Variants in EML1 observed in about 807,000 individuals in gnomAD.
The protein encoded by EML1 is echinoderm microtubule-associated protein-like 1.
Under a neutral mutation model 110.4 loss-of-function variants are expected in EML1, and 27 were observed. That is an observed-to-expected ratio of 0.24 (90% CI 0.18 to 0.34). The LOEUF is 0.34. EML1 is among the 10% of genes least tolerant of loss of function. The pLI is 1.00. For synonymous variants in EML1, 344 were observed against 385.8 expected (o/e 0.89, Z 1.27); for missense variants, 741 against 1,030.9 (o/e 0.72, Z 3.85).
chr14:99,878,720 G>A, intron 4 of EML1, 101 bp downstream of exon 4: 4 of 1,479,562 alleles, frequency 2.7e-6, no homozygotes, highest in Non-Finnish European at 3.6e-6. Flanking sequence ...AACAAGCTGG[G>A]AGTACTCTTG....
intron 1 of EML1, among the ~76,000 whole-genome samples, chr14:99,845,299 C>T (rs2058690408): frequency 6.6e-6 from 1 of 152,158 alleles, no homozygotes; most frequent in Non-Finnish European, 1.5e-5. Context: ...CTGCTTGTTA[C>T]CTGAATAACC....
intron 1 of EML1, among the ~76,000 whole-genome samples, chr14:99,780,776 C>T (rs181919809): frequency 4.6e-5 from 7 of 152,220 alleles, no homozygotes; most frequent in East Asian, 1.9e-4. Flanking sequence ...TAGTTGCCTA[C>T]GATATTCAGT....
At position 99,909,368 on chromosome 14, in the gene EML1, T is replaced by G. The variant is rs1403154836; in HGVS notation, c.1128T>G (p.Ala376=). The G allele has an allele frequency of 5.0e-6, 8 of 1,614,102 alleles. No homozygotes were observed. The African/African-American group carries it at 9.3e-5, about 19-fold the overall frequency. The stretch of plus-strand genomic sequence containing the variant: ...AGTGCTCTAATGAAGCTGTGTTTGC[T>G]GCGGATTTCCACCCCACGGACACCA... ...DVKCSNEAVF[A]ADFHPTDTNI... The change falls in exon 11 of 22, where the codon GCT becomes GCG. Residue 376 remains alanine, a synonymous_variant. Coordinates refer to ENST00000262233, the MANE Select transcript of EML1 (RefSeq NM_004434.3).
chr14:99,794,313 T>C (rs1353179638), intron 1 of EML1, among the ~76,000 whole-genome samples: 3 of 151,904 alleles, frequency 2.0e-5, no homozygotes, highest in Admixed American at 6.6e-5. Context: ...TGATGTGTGA[T>C]AATTCACGCA....
Position 99,914,626 on chromosome 14 carries a change from T to A in EML1, c.1681T>A (p.Cys561Ser), listed in dbSNP as rs751754763. ...IHASKSQFLTCGHDKHATLWD... is the reference protein window; with the variant it reads ...IHASKSQFLTSGHDKHATLWD... ...TGCCTCAAAATCTCAGTTCTTGACC[T>A]GTGGGCATGACAAGCATGCCACTCT... The change falls in exon 15 of 22, where the codon TGT becomes AGT. Residue 561 changes from cysteine (C) to serine (S), a missense_variant. This residue lies in a region of EML1 where 388 missense variants were observed against 605.6 expected (regional missense o/e 0.64). Coordinates refer to ENST00000262233, the MANE Select transcript of EML1 (RefSeq NM_004434.3). 4.5e-5 allele frequency: 73 copies of A among 1,612,604 alleles called. No individual in the cohort carries two copies. The highest frequency in any genetic ancestry group is 6.1e-5 in the Non-Finnish European group (72 of 1,179,812).
intron 2 of EML1, among the ~76,000 whole-genome samples, chr14:99,855,248 G>GT (rs1470897617): frequency 6.6e-6 from 1 of 152,164 alleles, no homozygotes; most frequent in Non-Finnish European, 1.5e-5. Context: ...TAATTCACGG[G>GT]TTTTTTCCTG....
chr14:99,877,692 C>T (rs1233077873), intron 3 of EML1, among the ~76,000 whole-genome samples: 2 of 152,156 alleles, frequency 1.3e-5, no homozygotes, highest in Non-Finnish European at 2.9e-5. Flanking sequence ...TCGTGACGTC[C>T]TGTTAGCATT....
intron 1 of EML1, among the ~76,000 whole-genome samples, chr14:99,795,589 TAAGTG>T (rs1429108480): frequency 6.6e-6 from 1 of 152,214 alleles, no homozygotes; most frequent in Non-Finnish European, 1.5e-5. Context: ...AGGCTTTCAT[TAAGTG>T]AAGATATAAA....
intron 17 of EML1, among the ~76,000 whole-genome samples, chr14:99,932,402 C>T (rs1467065893): frequency 6.6e-6 from 1 of 151,976 alleles, no homozygotes; most frequent in Non-Finnish European, 1.5e-5. Context: ...CTTTGGGAGG[C>T]CGAGGCAAGT....
chr14:99,765,543 C>T (rs1043452266), intron 1 of EML1, among the ~76,000 whole-genome samples: 11 of 152,050 alleles, frequency 7.2e-5, no homozygotes, highest in Admixed American at 3.3e-4. Context: ...CGTGTTGTAA[C>T]GTGTCAAAAT....
At chr14:99,848,945 G>A (rs1951572) in intron 1 of EML1, among the ~76,000 whole-genome samples, 104,416 of 151,162 alleles carry the variant, frequency 0.69, 36,159 homozygotes, top group African/African-American at 0.71. Context: ...CCTGGGCAAC[G>A]GAGTAAGACC....
At chr14:99,788,482 G>A (rs1476165688), upstream of EML1, among the ~76,000 whole-genome samples, 1 of 152,182 alleles carries the variant, frequency 6.6e-6, no homozygotes, top group Non-Finnish European at 1.5e-5. Flanking sequence ...GGTGGTGTGT[G>A]TCTGTAGTTT....
At chr14:99,878,777 C>A (rs1437575817) in intron 4 of EML1, among the ~76,000 whole-genome samples, 158 bp downstream of exon 4, 2 of 152,062 alleles carry the variant, frequency 1.3e-5, no homozygotes, top group Non-Finnish European at 2.9e-5. Context: ...AATCAAACAG[C>A]CATTTGAGGG....
In EML1 at chr14:99,914,600, A is replaced by G. The variant is rs1566935368; in HGVS notation, c.1655A>G (p.His552Arg). 1.9e-6 allele frequency: 3 copies of G among 1,609,922 alleles called. No individual in the cohort carries two copies. Among genetic ancestry groups the G allele is most frequent in the South Asian group, 1.1e-5 (1 of 90,018 alleles). Residue 552 changes from histidine (H) to arginine (R), a missense_variant, in exon 15 of 22, where the codon CAT becomes CGT. His to Arg is a conservative substitution (Grantham distance 29). Transcript: ENST00000262233. ...HTDELWGLAI[H>R]ASKSQFLTCG... ...GATGAGCTCTGGGGACTGGCCATCC[A>G]TGCCTCAAAATCTCAGTTCTTGACC... is the stretch of plus-strand genomic sequence containing the variant.
chr14:99,793,401 CG>C, upstream of EML1: 12 of 1,003,758 alleles, frequency 1.2e-5, no homozygotes, highest in Non-Finnish European at 1.3e-5. Flanking sequence ...CGGTCGCGGT[CG>C]GGCTCAGCTC....
chr14:99,770,120 C>T (rs1437670189), upstream of EML1, among the ~76,000 whole-genome samples: 1 of 152,176 alleles, frequency 6.6e-6, no homozygotes, highest in East Asian at 1.9e-4. Flanking sequence ...CTCCTCTGTC[C>T]TCCTATGATC....
chr14:99,746,666 C>T (rs911049819), intron 1 of EML1, among the ~76,000 whole-genome samples: 1 of 152,134 alleles, frequency 6.6e-6, no homozygotes, highest in African/African-American at 2.4e-5. Flanking sequence ...ACCCCATGGG[C>T]AGAGCTGGCT....
At chr14:99,836,996 TTTTTTTTTTTGGATGA>T (rs1356818975) in intron 1 of EML1, among the ~76,000 whole-genome samples, 4 of 151,794 alleles carry the variant, frequency 2.6e-5, no homozygotes, top group Non-Finnish European at 2.9e-5. Flanking sequence ...TTCTAATTTT[TTTTTTTTTTTGGATGA>T]TTTTTTTTTC....
chr14:99,769,535 A>G (rs1181848428), upstream of EML1, among the ~76,000 whole-genome samples: 1 of 152,138 alleles, frequency 6.6e-6, no homozygotes, highest in East Asian at 1.9e-4. Context: ...ATGCATTTAG[A>G]GCAGACAGGT....
Sources: allele counts gnomAD v4.1 joint callset (sites outside exome capture counted in the v4.1 genomes callset), GRCh38; gene constraint gnomAD v4.1.1; regional missense constraint gnomAD v4.1.1; transcripts MANE v1.5; gene names NCBI Gene and HGNC (gene_info 2026-07-23, HGNC 2026-07-21).